Variants in ZHX2 observed in about 807,000 individuals in gnomAD.
The protein encoded by ZHX2 is zinc fingers and homeoboxes 2.
In ZHX2, 6 loss-of-function variants were observed where a neutral mutation model predicts 21.9. The observed-to-expected ratio is 0.27, with a 90% CI of 0.15 to 0.54. The LOEUF (loss-of-function observed/expected upper bound fraction) is 0.54, where lower values mean the gene tolerates loss of function less well. Ranked by LOEUF, ZHX2 falls within the 20% of genes least tolerant of loss-of-function variation. ZHX2 has a pLI of 0.95. For missense variants in ZHX2, 908 were observed against 1,090.7 expected (o/e 0.83, Z 2.36); for synonymous variants, 434 against 437.1 (o/e 0.99, Z 0.09).
chr8:122,805,605 C>T (rs1020725335), intron 1 of ZHX2, among the ~76,000 whole-genome samples: 2 of 152,226 alleles, frequency 1.3e-5, no homozygotes, highest in African/African-American at 4.8e-5. Flanking sequence ...CTGTTGTATA[C>T]AAGCTCCATG....
intron 1 of ZHX2, among the ~76,000 whole-genome samples, chr8:122,819,692 C>T (rs1296049042): frequency 6.6e-6 from 1 of 152,162 alleles, no homozygotes; most frequent in East Asian, 1.9e-4. Context: ...CTCAGCCTGG[C>T]CCCACAGGCA....
chr8:122,882,194 C>CT (rs1275526075), intron 2 of ZHX2, among the ~76,000 whole-genome samples: 2 of 152,058 alleles, frequency 1.3e-5, no homozygotes, highest in African/African-American at 4.8e-5. Flanking sequence ...ATCTCCCCCT[C>CT]TTTTTTTGGC....
At position 122,953,862 on chromosome 8, in the gene ZHX2, G is replaced by C; in HGVS notation, c.2352G>C (p.Glu784Asp). The part of the protein sequence containing the change: ...GSSRDGQGSD[E>D]NEESSVVDYV... Reference sequence around the variant, plus strand: ...GCCGGGACGGCCAGGGTAGCGACGAGAACGAGGAGTCGAGCGTTGTGGATT... The same window carrying C: ...GCCGGGACGGCCAGGGTAGCGACGACAACGAGGAGTCGAGCGTTGTGGATT... The change falls in exon 3 of 4, where the codon GAG (glutamate) becomes GAC (aspartate). Residue 784 changes from glutamate (E) to aspartate (D), a missense_variant. Around this residue, in one of 4 missense-constraint regions of ZHX2, gnomAD observed 431 missense variants for 428.6 expected, o/e 1.01. Transcript: ENST00000314393. The surrounding 1 kb of genome is among the most constrained non-coding windows in gnomAD (Gnocchi z 4.6). 1 of 1,614,218 alleles carries C rather than the reference G, an allele frequency of 6.2e-7. No individual in the cohort carries two copies. The highest frequency in any genetic ancestry group is 8.5e-7 in the Non-Finnish European group (1 of 1,180,016).
intron 2 of ZHX2, among the ~76,000 whole-genome samples, chr8:122,897,577 C>A (rs1820128683): frequency 6.6e-6 from 1 of 151,606 alleles, no homozygotes; most frequent in African/African-American, 2.4e-5. Context: ...TTTAATGGAG[C>A]AATTTAGTTT....
intron 2 of ZHX2, among the ~76,000 whole-genome samples, chr8:122,914,487 G>C (rs952642019): frequency 6.6e-5 from 10 of 152,194 alleles, no homozygotes; most frequent in African/African-American, 2.4e-4. Flanking sequence ...TTTCAGCCCT[G>C]GCCTAGTTTC....
intron 2 of ZHX2, among the ~76,000 whole-genome samples, chr8:122,900,962 C>T (rs990619500): frequency 1.3e-5 from 2 of 152,086 alleles, no homozygotes; most frequent in African/African-American, 2.4e-5. Context: ...TTTTGTGTGG[C>T]GTGGGCAGAT....
In ZHX2 at chr8:122,952,246, G is replaced by A. The variant is rs151010794; in HGVS notation, c.736G>A (p.Val246Ile). The A allele has an allele frequency of 6.2e-7, 1 of 1,613,890 alleles. No individual in the cohort carries two copies. The highest frequency in any genetic ancestry group is 1.3e-5 in the African/African-American group (1 of 74,838). Reference protein sequence around the residue: ...QDTLGHVMPSVQLPPNINLVP... With the variant: ...QDTLGHVMPSIQLPPNINLVP... ...CACATTAGGACACGTCATGCCTTCT[G>A]TACAGCTGCCACCAAATATCAACCT... Residue 246 changes from valine (V) to isoleucine (I), a missense_variant, in exon 3 of 4, where the codon GTA becomes ATA. Val to Ile is a conservative substitution (Grantham distance 29, BLOSUM62 3). Coordinates refer to ENST00000314393, the MANE Select transcript of ZHX2 (RefSeq NM_014943.5). This position sits in a 1 kb window ranked among gnomAD's most constrained non-coding sequence, Gnocchi z 6.9.
At chr8:122,889,953 A>C (rs1279700554) in intron 2 of ZHX2, among the ~76,000 whole-genome samples, 1 of 152,174 alleles carries the variant, frequency 6.6e-6, no homozygotes, top group African/African-American at 2.4e-5. Context: ...TACTATGCAG[A>C]AACTTTTTAG....
At chr8:122,837,380 C>T (rs1818526754) in intron 1 of ZHX2, among the ~76,000 whole-genome samples, 1 of 152,100 alleles carries the variant, frequency 6.6e-6, no homozygotes, top group African/African-American at 2.4e-5. Context: ...GTTCCAGACC[C>T]CCATCTCTAA....
At chr8:122,959,823 G>A (rs1412440672) in intron 3 of ZHX2, among the ~76,000 whole-genome samples, 1 of 152,170 alleles carries the variant, frequency 6.6e-6, no homozygotes, top group Non-Finnish European at 1.5e-5. Context: ...GGAGTTAACT[G>A]ATACCACTTC....
At chr8:122,928,160 T>C (rs569118795) in intron 2 of ZHX2, among the ~76,000 whole-genome samples, 25 of 152,014 alleles carry the variant, frequency 1.6e-4, no homozygotes, top group Non-Finnish European at 3.1e-4. Context: ...CTCATTTATC[T>C]CCCCCACTCC....
Position 122,828,319 on chromosome 8 carries a change from G to T in ZHX2, c.-282-35158G>T, listed in dbSNP as rs1439881151. 3.3e-5 allele frequency among the ~76,000 whole-genome samples: 5 copies of T among 152,182 alleles called. No individual in the cohort carries two copies. The highest frequency in any genetic ancestry group is 1.2e-4 in the African/African-American group (5 of 41,426). On this transcript the variant is annotated intron_variant, in intron 1 of 3. Transcript: ENST00000314393. The surrounding 1 kb of genome is among the most constrained non-coding windows in gnomAD (Gnocchi z 5.2). ...GGAGCTGAAGATAGAGAAAGTATCTGTACAGTGCATGTGCGTGTGTGTGTT... is the reference window on the plus strand; with the variant it reads ...GGAGCTGAAGATAGAGAAAGTATCTTTACAGTGCATGTGCGTGTGTGTGTT...
At position 122,843,959 on chromosome 8, in the gene ZHX2, TCACACACA is replaced by T. The variant is rs3221811; in HGVS notation, c.-282-19493_-282-19486del. Among the ~76,000 whole-genome samples, 1,308 of 148,926 alleles carry T rather than the reference TCACACACA, an allele frequency of 8.8e-3. 16 individuals carry two copies. Among genetic ancestry groups the T allele is most frequent in the African/African-American group, 0.025 (996 of 40,482 alleles). ...ACACTTCGCTTTTTGTTCTCACCCT[TCACACACA>T]CACACACACACACACACACACACAT... On this transcript the variant is annotated intron_variant, in intron 1 of 3. Coordinates refer to ENST00000314393, the MANE Select transcript of ZHX2 (RefSeq NM_014943.5).
At chr8:122,882,312 C>T (rs1027614241) in intron 2 of ZHX2, among the ~76,000 whole-genome samples, 1 of 151,360 alleles carries the variant, frequency 6.6e-6, no homozygotes, top group South Asian at 2.1e-4. Flanking sequence ...AACACACACA[C>T]ACAGAGAGAG....
intron 1 of ZHX2, among the ~76,000 whole-genome samples, chr8:122,830,801 C>A (rs576330179): frequency 2.7e-4 from 41 of 152,204 alleles, no homozygotes; most frequent in African/African-American, 9.6e-4. Flanking sequence ...AAAGTTTGGC[C>A]ATACATGATT....
At chr8:122,970,479 ACT>A (rs759215251) in intron 3 of ZHX2, among the ~76,000 whole-genome samples, 12 of 152,000 alleles carry the variant, frequency 7.9e-5, no homozygotes, top group Non-Finnish European at 1.5e-4. Flanking sequence ...TGGAAGTGAG[ACT>A]CTGGGAGGTT....
intron 2 of ZHX2, among the ~76,000 whole-genome samples, chr8:122,920,879 G>A (rs1003706868): frequency 6.6e-6 from 1 of 152,104 alleles, no homozygotes; most frequent in Admixed American, 6.5e-5. Flanking sequence ...CTCCATATGG[G>A]CGGGCTGGAC....
intron 2 of ZHX2, among the ~76,000 whole-genome samples, chr8:122,875,136 T>C (rs1376317537): frequency 0.012 from 22 of 1,816 alleles, 2 homozygotes; most frequent in African/African-American, 0.028. Flanking sequence ...CTGTTATATA[T>C]ATATATATAT....
chr8:122,784,731 A>C (rs1321565413), intron 1 of ZHX2, among the ~76,000 whole-genome samples: 1 of 152,180 alleles, frequency 6.6e-6, no homozygotes, highest in East Asian at 1.9e-4. Context: ...TGACTAGACT[A>C]TTTTGTCTTC....
Sources: gnomAD v4.1 joint callset for allele counts (sites outside exome capture counted in the v4.1 genomes callset) on GRCh38, gnomAD v4.1.1 for gene constraint, gnomAD v4.1.1 regional missense constraint, Gnocchi (gnomAD v3.1) non-coding constraint, MANE v1.5 for transcripts, NCBI Gene and HGNC (gene_info 2026-07-23, HGNC 2026-07-21) for gene names.